The following MTMR8 variants were observed in gnomAD, a reference collection of about 807,000 sequenced individuals.
MTMR8 encodes the protein phosphatidylinositol-3,5-bisphosphate 3-phosphatase MTMR8.
A neutral mutation model predicts 39.3 loss-of-function variants in MTMR8; 65 were observed. The ratio of observed to expected loss-of-function variants is 1.65; its 90% CI spans 1.35 to 2.03. The LOEUF (loss-of-function observed/expected upper bound fraction) is 2.03. Ranked by LOEUF, MTMR8 falls within the 30% of genes most tolerant of loss-of-function variation. The pLI, the probability that MTMR8 is intolerant of heterozygous loss-of-function variation, is 0.00. For missense variants in MTMR8, 777 were observed against 538.9 expected (o/e 1.44, Z -4.37); for synonymous variants, 245 against 185.2 (o/e 1.32, Z -2.62).
At chrX:64,395,239 G>T in intron 1 of MTMR8, 101 bp downstream of exon 1, 2 of 926,557 alleles carry the variant, frequency 2.2e-6, no homozygotes, top group Non-Finnish European at 1.6e-6. Context: ...GGAAAGACGC[G>T]TCAAAGAAGG....
chrX:64,376,013 T>A (rs1319005312), intron 1 of MTMR8, among the ~76,000 whole-genome samples: 1 of 111,784 alleles, frequency 8.9e-6, no homozygotes, highest in Non-Finnish European at 1.9e-5. Flanking sequence ...TTCCACCATG[T>A]GAAGATGTGC....
chrX:64,335,983 C>T, intron 10 of MTMR8, 96 bp downstream of exon 10: 3 of 592,832 alleles, frequency 5.1e-6, no homozygotes, highest in East Asian at 3.7e-5. Context: ...GTTCAACTTC[C>T]TCTTCCTTCC....
chrX:64,353,867 C>T (rs1451723754), intron 4 of MTMR8, among the ~76,000 whole-genome samples: 1 of 110,832 alleles, frequency 9.0e-6, no homozygotes, highest in African/African-American at 3.3e-5. Context: ...ATTGAGGCTA[C>T]ACTGAGCTAT....
At chrX:64,271,760 G>A (rs1029558880) in intron 12 of MTMR8, among the ~76,000 whole-genome samples, 2 of 112,020 alleles carry the variant, frequency 1.8e-5, no homozygotes, top group Non-Finnish European at 3.8e-5. Flanking sequence ...AAAGGGTCTG[G>A]CATGTGATAG....
intron 2 of MTMR8, among the ~76,000 whole-genome samples, chrX:64,358,670 T>A (rs902577403): frequency 1.8e-5 from 2 of 111,450 alleles, no homozygotes; most frequent in Non-Finnish European, 3.8e-5. Context: ...AAAAGAAGCA[T>A]GTTGTACTTC....
intron 1 of MTMR8, among the ~76,000 whole-genome samples, chrX:64,393,482 C>T (rs748565177): frequency 8.9e-6 from 1 of 112,067 alleles, no homozygotes; most frequent in Admixed American, 9.5e-5. Context: ...AGGACAGGAG[C>T]AGTTCTGCCT....
intron 12 of MTMR8, among the ~76,000 whole-genome samples, chrX:64,285,338 C>G (rs914090845): frequency 2.7e-5 from 3 of 111,140 alleles, no homozygotes; most frequent in Non-Finnish European, 3.8e-5. Flanking sequence ...CCTTAGAGAC[C>G]TATAAAGAGA....
At chrX:64,349,902 G>A in intron 5 of MTMR8, 40 bp downstream of exon 5, 1 of 1,072,596 alleles carries the variant, frequency 9.3e-7, no homozygotes, top group Non-Finnish European at 1.2e-6. Flanking sequence ...GTCTTCCAGA[G>A]CCATGTTTAA....
chrX:64,315,242 G>T (rs939582932), intron 12 of MTMR8, among the ~76,000 whole-genome samples: 4 of 111,895 alleles, frequency 3.6e-5, no homozygotes, highest in Non-Finnish European at 7.5e-5. Flanking sequence ...GGCAAGAGAG[G>T]GTTGCTCCTT....
In MTMR8 at chrX:64,348,667, C is replaced by G; in HGVS notation, c.725G>C (p.Arg242Thr). The G allele has an allele frequency of 2.5e-6, 3 of 1,210,348 alleles. No individual in the cohort carries two copies. In the South Asian group the frequency reaches 5.3e-5, roughly 21 times the overall value. ...GSQFMYVVDT[R>T]PKLNAMANRA... The stretch of plus-strand genomic sequence containing the variant: ...TCACTGAGAAATAGATACCTTTGGT[C>G]TTGTGTCTACAACATACATAAACTG... The change falls in exon 6 of 14, where the codon AGA becomes ACA. Residue 242 changes from arginine (R) to threonine (T), a missense_variant. Arg to Thr is a moderately conservative substitution (Grantham distance 71). Transcript: ENST00000374852.
chrX:64,372,507 G>A (rs1924154610), intron 1 of MTMR8, among the ~76,000 whole-genome samples: 1 of 111,379 alleles, frequency 9.0e-6, no homozygotes, highest in Admixed American at 9.6e-5. Flanking sequence ...CGAGCCCTTG[G>A]CAAACACTAA....
chrX:64,390,991 GT>G (rs1924677416), intron 1 of MTMR8, among the ~76,000 whole-genome samples: 1 of 112,150 alleles, frequency 8.9e-6, no homozygotes, highest in Non-Finnish European at 1.9e-5. Flanking sequence ...AATTCAATTA[GT>G]TTTAGTAAAT....
intron 12 of MTMR8, chrX:64,306,814 C>T (rs1170153909): frequency 9.0e-6 from 1 of 111,340 alleles, no homozygotes; most frequent in Non-Finnish European, 1.9e-5. Context: ...CACCGACACT[C>T]CCAGGAACCA....
chrX:64,341,217 G>A (rs777942648), intron 8 of MTMR8, among the ~76,000 whole-genome samples: 22 of 111,851 alleles, frequency 2.0e-4, no homozygotes, highest in Admixed American at 9.4e-4. Context: ...GGTAGCTTAC[G>A]CCTGTAATCC....
intron 3 of MTMR8, among the ~76,000 whole-genome samples, chrX:64,355,922 A>C (rs773608030): frequency 9.0e-6 from 1 of 111,389 alleles, no homozygotes; most frequent in African/African-American, 3.3e-5. Context: ...ATATCTATTA[A>C]ACATCTACTA....
intron 1 of MTMR8, among the ~76,000 whole-genome samples, chrX:64,387,673 G>A (rs1383839158): frequency 1.9e-5 from 2 of 107,267 alleles, no homozygotes; most frequent in East Asian, 3.0e-4. Context: ...TGTGTGTGGG[G>A]TTGGGGGTGA....
At chrX:64,359,572 C>A in intron 1 of MTMR8, 45 bp from the exon 2 acceptor site, 2 of 1,151,503 alleles carry the variant, frequency 1.7e-6, no homozygotes, top group Non-Finnish European at 2.3e-6. Flanking sequence ...CAACTCACCA[C>A]CTATGATTGA....
At chrX:64,276,474 A>G (rs945376567) in intron 12 of MTMR8, among the ~76,000 whole-genome samples, 5 of 111,650 alleles carry the variant, frequency 4.5e-5, no homozygotes, top group Non-Finnish European at 7.5e-5. Flanking sequence ...TTGGTTTCAA[A>G]GAACTTATTT....
intron 6 of MTMR8, among the ~76,000 whole-genome samples, 165 bp from the exon 7 acceptor site, chrX:64,345,342 A>C (rs1923322940): frequency 8.9e-6 from 1 of 112,152 alleles, no homozygotes. Flanking sequence ...ACTAGTTTTT[A>C]CATCAGGTAC....
Sources: allele counts gnomAD v4.1 joint callset (sites outside exome capture counted in the v4.1 genomes callset), GRCh38; gene constraint gnomAD v4.1.1; transcripts MANE v1.5; gene names NCBI Gene and HGNC (gene_info 2026-07-23, HGNC 2026-07-21).